Variants in CNTLN observed in about 807,000 individuals in gnomAD.
The protein encoded by CNTLN is centlein, centrosomal protein.
CNTLN carries 212 observed loss-of-function variants against 180.0 expected under a neutral mutation model. The observed-to-expected ratio is 1.18, with a 90% CI of 1.05 to 1.32. The LOEUF is 1.32. Among genes scored for constraint, CNTLN ranks in the 40% most tolerant of loss-of-function variants. The pLI, the probability that CNTLN is intolerant of heterozygous loss-of-function variation, is 0.00. For missense variants in CNTLN, 2,095 were observed against 1,610.9 expected (o/e 1.30, Z -5.14); for synonymous variants, 722 against 563.1 (o/e 1.28, Z -3.99).
At chr9:17,258,052 C>T (rs1214130296) in intron 5 of CNTLN, among the ~76,000 whole-genome samples, 2 of 150,746 alleles carry the variant, frequency 1.3e-5, no homozygotes, top group African/African-American at 5.0e-5. Flanking sequence ...AGTCCTTGCC[C>T]ATGCCTATGT....
intron 2 of CNTLN, among the ~76,000 whole-genome samples, chr9:17,203,125 G>A (rs944253398): frequency 2.0e-5 from 3 of 152,090 alleles, no homozygotes; most frequent in African/African-American, 7.2e-5. Context: ...TGAAATTCTG[G>A]TTGAAAATTA....
At chr9:17,208,973 C>A (rs1823106019) in intron 2 of CNTLN, among the ~76,000 whole-genome samples, 2 of 151,778 alleles carry the variant, frequency 1.3e-5, no homozygotes, top group African/African-American at 4.8e-5. Context: ...TTTATTATTT[C>A]TCTTCTAATT....
At chr9:17,421,566 T>G in intron 18 of CNTLN, among the ~76,000 whole-genome samples, 1 of 152,152 alleles carries the variant, frequency 6.6e-6, no homozygotes, top group East Asian at 1.9e-4. Context: ...CCATTTGCAT[T>G]CAGTATTATT....
chr9:17,240,386 T>A (rs1156771354), intron 5 of CNTLN, among the ~76,000 whole-genome samples: 1 of 152,160 alleles, frequency 6.6e-6, no homozygotes, highest in African/African-American at 2.4e-5. Flanking sequence ...CTACGTATCA[T>A]ATCATGACAG....
chr9:17,382,738 C>T (rs1587838613), intron 13 of CNTLN, among the ~76,000 whole-genome samples: 2 of 152,178 alleles, frequency 1.3e-5, no homozygotes, highest in South Asian at 2.1e-4. Flanking sequence ...AGCATAAGGG[C>T]ATTCCTTCCA....
At chr9:17,201,647 T>C (rs1338932979) in intron 2 of CNTLN, among the ~76,000 whole-genome samples, 1 of 152,198 alleles carries the variant, frequency 6.6e-6, no homozygotes, top group Non-Finnish European at 1.5e-5. Flanking sequence ...TATTCTCTGA[T>C]GGTAGTTTGT....
chr9:17,256,181 C>A (rs545021330), intron 5 of CNTLN, among the ~76,000 whole-genome samples: 4 of 151,928 alleles, frequency 2.6e-5, no homozygotes, highest in East Asian at 1.9e-4. Flanking sequence ...AGGTTGATTC[C>A]ATGTCTTTGC....
At chr9:17,493,099 T>C (rs1266503152) in intron 25 of CNTLN, among the ~76,000 whole-genome samples, 1 of 147,932 alleles carries the variant, frequency 6.8e-6, no homozygotes, top group Non-Finnish European at 1.5e-5. Flanking sequence ...AGTTACTGTT[T>C]AATATACGTG....
intron 18 of CNTLN, among the ~76,000 whole-genome samples, chr9:17,421,783 A>G (rs1221298532): frequency 6.6e-6 from 1 of 152,088 alleles, no homozygotes; most frequent in Non-Finnish European, 1.5e-5. Context: ...AATGCTTTGT[A>G]ACCAATTATT....
At chr9:17,456,190 G>T (rs1262007599) in intron 18 of CNTLN, among the ~76,000 whole-genome samples, 1 of 152,110 alleles carries the variant, frequency 6.6e-6, no homozygotes, top group Non-Finnish European at 1.5e-5. Context: ...TGGATTCAAG[G>T]TTGAATATTA....
intron 18 of CNTLN, among the ~76,000 whole-genome samples, chr9:17,428,475 C>A (rs1829225688): frequency 6.6e-6 from 1 of 152,254 alleles, no homozygotes; most frequent in South Asian, 2.1e-4. Flanking sequence ...TACTGAATGA[C>A]TCAGCTACTG....
chr9:17,176,814 G>A (rs1470225608), intron 2 of CNTLN, among the ~76,000 whole-genome samples: 6 of 152,170 alleles, frequency 3.9e-5, no homozygotes, highest in Non-Finnish European at 8.8e-5. Flanking sequence ...GTGGTAGTTT[G>A]TGCATCTTGA....
At chr9:17,316,117 T>G (rs1274383187) in intron 8 of CNTLN, among the ~76,000 whole-genome samples, 1 of 152,004 alleles carries the variant, frequency 6.6e-6, no homozygotes, top group African/African-American at 2.4e-5. Context: ...TTTGGGGTTC[T>G]TTTGTTAAGT....
the CNTLN span, among the ~76,000 whole-genome samples, chr9:17,518,562 T>C: frequency 1.3e-5 from 2 of 152,204 alleles, no homozygotes; most frequent in East Asian, 1.9e-4. Flanking sequence ...GAAATATTTA[T>C]TTTTCTGTTA....
At chr9:17,221,091 A>G (rs1460940418) in intron 2 of CNTLN, among the ~76,000 whole-genome samples, 1 of 152,120 alleles carries the variant, frequency 6.6e-6, no homozygotes, top group Admixed American at 6.6e-5. Context: ...GGTAAATCCT[A>G]TAATGCCCTA....
At chr9:17,175,964 A>C (rs369771629) in intron 2 of CNTLN, among the ~76,000 whole-genome samples, 13 of 152,034 alleles carry the variant, frequency 8.6e-5, no homozygotes, top group African/African-American at 2.7e-4. Context: ...ATTATTTCTA[A>C]GATTTTATTT....
intron 5 of CNTLN, among the ~76,000 whole-genome samples, chr9:17,269,638 T>C (rs1827789701): frequency 6.6e-6 from 1 of 152,202 alleles, no homozygotes; most frequent in Non-Finnish European, 1.5e-5. Context: ...AAATACTTTA[T>C]ATAATTTTAG....
intron 13 of CNTLN, among the ~76,000 whole-genome samples, chr9:17,380,565 T>C (rs1276147853): frequency 6.6e-6 from 1 of 152,128 alleles, no homozygotes; most frequent in African/African-American, 2.4e-5. Context: ...AGGGCAGCTT[T>C]CCCCCATGAG....
At chr9:17,150,616 G>T (rs182734988) in intron 2 of CNTLN, among the ~76,000 whole-genome samples, 1 of 152,088 alleles carries the variant, frequency 6.6e-6, no homozygotes, top group African/African-American at 2.4e-5. Context: ...TTGCCCAGGA[G>T]TGTCTTGGCT....
Sources: allele counts gnomAD v4.1 joint callset (sites outside exome capture counted in the v4.1 genomes callset), GRCh38; gene constraint gnomAD v4.1.1; transcripts MANE v1.5; gene names NCBI Gene and HGNC (gene_info 2026-07-23, HGNC 2026-07-21).